The following TNKS2 variants were observed in gnomAD, a reference collection of about 807,000 sequenced individuals.
TNKS2 encodes the protein poly [ADP-ribose] polymerase tankyrase-2.
A neutral mutation model predicts 137.6 loss-of-function variants in TNKS2; 72 were observed. The observed-to-expected ratio is 0.52, with a 90% CI of 0.43 to 0.64. TNKS2 has a LOEUF of 0.64. Among genes scored for constraint, TNKS2 ranks in the 30% least tolerant of loss-of-function variants. The probability of loss-of-function intolerance (pLI) is 0.00; values close to 1 mark genes in which losing one functional copy is unlikely to be tolerated. For synonymous variants in TNKS2, 516 were observed against 512.1 expected, an observed-to-expected ratio of 1.01 and a Z score of -0.10; for missense variants, 1,049 against 1,410.2, an observed-to-expected ratio of 0.74 and a Z score of 4.10.
chr10:91,849,788 G>A (rs1276593911), intron 20 of TNKS2, among the ~76,000 whole-genome samples, 194 bp downstream of exon 20: 1 of 152,174 alleles, frequency 6.6e-6, no homozygotes, highest in African/African-American at 2.4e-5. Flanking sequence ...GTTGACTCGA[G>A]TAGTAATGGT....
Position 91,813,204 on chromosome 10 carries a change from A to G in TNKS2, c.421A>G (p.Ile141Val). Residue 141 changes from isoleucine (I) to valine (V), a missense_variant, in exon 2 of 27, where the codon ATT becomes GTT. Around this residue, in one of 6 missense-constraint regions of TNKS2, gnomAD observed 374 missense variants for 460.8 expected, o/e 0.81. Transcript: ENST00000371627. The stretch of plus-strand genomic sequence containing the variant: ...AATTAAAGGAAAGATTGATGTTTGC[A>G]TTGGTAAGACTGTTTACTTTTCCGA... The part of the protein sequence containing the change: ...AAIKGKIDVC[I>V]VLLQHGAEPT... 1 of 1,613,550 alleles carries G rather than the reference A, an allele frequency of 6.2e-7. No homozygotes were observed. Among genetic ancestry groups the G allele is most frequent in the Non-Finnish European group, 8.5e-7 (1 of 1,179,490 alleles).
In TNKS2 at chr10:91,833,780, GTGT is replaced by G. The variant is rs1272027814; in HGVS notation, c.1276-71_1276-69del. 3.3e-6 allele frequency: 4 copies of G among 1,224,654 alleles called. No homozygotes were observed. In the African/African-American group the frequency reaches 6.1e-5, roughly 19 times the overall value. 75.9% of individuals were successfully genotyped at this position (1,224,654 alleles called of 1,614,324 possible). On this transcript the variant is annotated intron_variant, in intron 11 of 26. Coordinates refer to ENST00000371627, the MANE Select transcript of TNKS2 (RefSeq NM_025235.4). ...AATTGAGACTTAAAAGTAGTAAAAA[GTGT>G]TAAATACATGATTGTATGGTTTTAA...
At chr10:91,818,122 A>G (rs1007115587) in intron 3 of TNKS2, among the ~76,000 whole-genome samples, 3 of 152,202 alleles carry the variant, frequency 2.0e-5, no homozygotes, top group African/African-American at 4.8e-5. Context: ...TTTCTCCTTC[A>G]CTAGTCCATG....
At chr10:91,838,036 ATTTTTTTTTTTTT>A (rs71025367) in intron 13 of TNKS2, among the ~76,000 whole-genome samples, 1 of 51,190 alleles carries the variant, frequency 2.0e-5, no homozygotes, top group African/African-American at 7.9e-5. Context: ...CAATTAGCTG[ATTTTTTTTTTTTT>A]TTTTTTTTTT....
intron 8 of TNKS2, among the ~76,000 whole-genome samples, chr10:91,827,957 C>G (rs1845117456): frequency 6.6e-6 from 1 of 152,120 alleles, no homozygotes; most frequent in African/African-American, 2.4e-5. Flanking sequence ...TTGAAATATT[C>G]TAAAACCTCT....
Position 91,798,470 on chromosome 10 carries a change from C to A in TNKS2, c.-221C>A, listed in dbSNP as rs1446755551. On this transcript the variant is annotated 5_prime_UTR_variant, in exon 1 of 27. Coordinates refer to ENST00000371627, the MANE Select transcript of TNKS2 (RefSeq NM_025235.4). Reference sequence around the variant, plus strand: ...TTTCAGGACCCGGACGGCGGATTCGCGCTGCCTCCGCCGCCGCGGGGCAGC... The same window carrying A: ...TTTCAGGACCCGGACGGCGGATTCGAGCTGCCTCCGCCGCCGCGGGGCAGC... The A allele has an allele frequency of 2.7e-6, 1 of 371,900 alleles. No homozygotes were observed. The highest frequency in any genetic ancestry group is 4.4e-6 in the Non-Finnish European group (1 of 227,334). The allele number at this position is 371,900 out of a possible 1,614,324, so 23.0% of individuals were successfully genotyped here.
intron 7 of TNKS2, among the ~76,000 whole-genome samples, chr10:91,823,378 A>C (rs1844969070): frequency 8.4e-6 from 1 of 118,680 alleles, no homozygotes; most frequent in Non-Finnish European, 1.6e-5. Flanking sequence ...CCCAGGCTGG[A>C]GTGCAGTGGC....
At chr10:91,814,280 TAGAGA>T (rs1339245864) in intron 2 of TNKS2, among the ~76,000 whole-genome samples, 2 of 152,152 alleles carry the variant, frequency 1.3e-5, no homozygotes, top group East Asian at 3.8e-4. Context: ...TTTTTTTGAA[TAGAGA>T]AAAGCTTATA....
chr10:91,821,360 A>T (rs2133615620), intron 6 of TNKS2, among the ~76,000 whole-genome samples: 1 of 152,206 alleles, frequency 6.6e-6, no homozygotes, highest in East Asian at 1.9e-4. Flanking sequence ...GGGGTGATAC[A>T]GGAACATAGT....
chr10:91,826,351 G>C (rs1026109745), intron 7 of TNKS2, among the ~76,000 whole-genome samples: 1 of 152,082 alleles, frequency 6.6e-6, no homozygotes, highest in African/African-American at 2.4e-5. Context: ...CAGCCAACTA[G>C]AAACAGTCCA....
At chr10:91,858,065 C>A (rs1388230079) in intron 24 of TNKS2, among the ~76,000 whole-genome samples, 2 of 152,098 alleles carry the variant, frequency 1.3e-5, no homozygotes, top group Non-Finnish European at 2.9e-5. Flanking sequence ...TATAAGCTGG[C>A]AGGTGTTGAT....
At chr10:91,808,998 T>C (rs1485570303) in intron 1 of TNKS2, among the ~76,000 whole-genome samples, 2 of 152,026 alleles carry the variant, frequency 1.3e-5, no homozygotes, top group Non-Finnish European at 2.9e-5. Flanking sequence ...TTGGCAGTAG[T>C]GTGTATAGTA....
intron 17 of TNKS2, 146 bp downstream of exon 17, chr10:91,845,174 C>T (rs1554839616): frequency 1.5e-5 from 10 of 657,996 alleles, no homozygotes; most frequent in South Asian, 1.4e-4. Flanking sequence ...TTCCAAATTT[C>T]GGTTCTGAAT....
intron 16 of TNKS2, among the ~76,000 whole-genome samples, chr10:91,844,548 A>C (rs147137357): frequency 2.6e-5 from 4 of 152,288 alleles, no homozygotes; most frequent in Non-Finnish European, 5.9e-5. Flanking sequence ...CATGTACCTG[A>C]GTTCAAGAAG....
At chr10:91,825,089 G>GT (rs1021705645) in intron 7 of TNKS2, among the ~76,000 whole-genome samples, 5 of 151,462 alleles carry the variant, frequency 3.3e-5, no homozygotes, top group South Asian at 2.1e-4. Context: ...GTTTGGTTTG[G>GT]TTTTTTTTGT....
chr10:91,838,600 T>TA, intron 13 of TNKS2, among the ~76,000 whole-genome samples: 1 of 152,286 alleles, frequency 6.6e-6, no homozygotes, highest in Non-Finnish European at 1.5e-5. Context: ...CAGCACCTGG[T>TA]ACACGTGTTA....
At chr10:91,818,064 G>C (rs1207076944) in intron 3 of TNKS2, among the ~76,000 whole-genome samples, 1 of 152,234 alleles carries the variant, frequency 6.6e-6, no homozygotes, top group East Asian at 1.9e-4. Context: ...TTCATGAAAA[G>C]ACTTCTAGAA....
intron 24 of TNKS2, among the ~76,000 whole-genome samples, chr10:91,858,462 CTGTAAAGTAGAATTCAGTAT>C (rs1842770033): frequency 2.6e-5 from 4 of 152,054 alleles, no homozygotes; most frequent in Non-Finnish European, 5.9e-5. Context: ...ATCTGTATTT[CTGTAAAGTAGAATTCAGTAT>C]ATTTTCCTGT....
chr10:91,809,217 A>G (rs1324667221), intron 1 of TNKS2, among the ~76,000 whole-genome samples: 1 of 152,192 alleles, frequency 6.6e-6, no homozygotes, highest in Non-Finnish European at 1.5e-5. Flanking sequence ...AATAACTTCA[A>G]CGTATGTGAA....
Sources: allele counts gnomAD v4.1 joint callset (sites outside exome capture counted in the v4.1 genomes callset), GRCh38; gene constraint gnomAD v4.1.1; regional missense constraint gnomAD v4.1.1; transcripts MANE v1.5; gene names NCBI Gene and HGNC (gene_info 2026-07-23, HGNC 2026-07-21).